Variants in PRDM10 observed in about 807,000 individuals in gnomAD.
The protein encoded by PRDM10 is PR domain zinc finger protein 10.
Under a neutral mutation model 133.1 loss-of-function variants are expected in PRDM10, and 65 were observed. The observed-to-expected ratio is 0.49, with a 90% confidence interval of 0.40 to 0.60. The LOEUF is 0.60. Among genes scored for constraint, PRDM10 ranks in the 20% least tolerant of loss-of-function variants. The pLI is 0.00. For missense variants in PRDM10, 1,137 were observed against 1,507.1 expected (o/e 0.75, Z 4.07); for synonymous variants, 582 against 580.4 (o/e 1.00, Z -0.04).
intron 18 of PRDM10, among the ~76,000 whole-genome samples, chr11:129,911,812 C>G (rs2135732336): frequency 6.6e-6 from 1 of 152,332 alleles, no homozygotes; most frequent in East Asian, 1.9e-4. Context: ...ATAGAAGCCA[C>G]TTAGCCATTG....
At chr11:129,924,253 C>G (rs1164479319) in intron 12 of PRDM10, among the ~76,000 whole-genome samples, 2 of 152,228 alleles carry the variant, frequency 1.3e-5, no homozygotes, top group Admixed American at 1.3e-4. Flanking sequence ...AATCCCTAGT[C>G]TTCTTTTCCT....
intron 1 of PRDM10, among the ~76,000 whole-genome samples, chr11:129,991,749 G>C (rs1222669728): frequency 6.6e-6 from 1 of 151,640 alleles, no homozygotes; most frequent in Non-Finnish European, 1.5e-5. Context: ...AACCTGGGAG[G>C]AGGAGGTTGC....
rs150813480 is a variant in PRDM10 at position 129,942,667 on chromosome 11, A to G, written c.763-38T>C. On this transcript the variant is annotated intron_variant, in intron 6 of 20. Transcript: ENST00000360871. ...AAAGCCACACCAAAAACAAAACAAA[A>G]CCTTCAATATGAGACACATTTTATA... is the stretch of plus-strand genomic sequence containing the variant. The G allele has an allele frequency of 5.9e-6, 9 of 1,520,066 alleles. No individual in the cohort carries two copies. In the Middle Eastern group the frequency reaches 6.9e-4, roughly 116 times the overall value. 94.2% of individuals were successfully genotyped at this position (1,520,066 alleles called of 1,614,324 possible).
chr11:129,947,233 A>G lies in PRDM10; in HGVS notation c.432T>C (p.Thr144=). 1 of 1,613,914 alleles carries G rather than the reference A, an allele frequency of 6.2e-7. No homozygotes were observed. Residue 144 remains threonine, a synonymous_variant, in exon 5 of 21, where the codon ACT becomes ACC. Transcript: ENST00000360871. This position sits in a 1 kb window ranked among gnomAD's most constrained non-coding sequence, Gnocchi z 4.6. ...EEEDEDEDED[T]EEDEEEDGED... is the part of the protein sequence containing the mutation. ...CACCGTCTTCTTCCTCATCTTCCTCAGTGTCCTCGTCCTCATCCTCATCCT... is the reference window on the plus strand; with the variant it reads ...CACCGTCTTCTTCCTCATCTTCCTCGGTGTCCTCGTCCTCATCCTCATCCT...
intron 13 of PRDM10, among the ~76,000 whole-genome samples, chr11:129,921,022 C>A (rs2135770761): frequency 6.6e-6 from 1 of 152,246 alleles, no homozygotes; most frequent in Non-Finnish European, 1.5e-5. Context: ...GTCTCGAACT[C>A]CCAACCTCAG....
At chr11:129,988,465 C>T (rs1166651822) in intron 1 of PRDM10, among the ~76,000 whole-genome samples, 2 of 151,962 alleles carry the variant, frequency 1.3e-5, no homozygotes, top group Non-Finnish European at 2.9e-5. Context: ...CTCCTGGGCT[C>T]AAGTGATTCA....
chr11:129,937,520 A>C, intron 8 of PRDM10, 78 bp downstream of exon 8: 1 of 1,376,956 alleles, frequency 7.3e-7, no homozygotes, highest in Non-Finnish European at 9.9e-7. Context: ...ACAAAAAAAA[A>C]ATTAGAGGTT....
chr11:129,930,203 T>C (rs773018851), intron 11 of PRDM10, among the ~76,000 whole-genome samples: 8 of 152,248 alleles, frequency 5.3e-5, no homozygotes, highest in Non-Finnish European at 1.0e-4. Context: ...TGGGAAGTTA[T>C]ACAAAATGTC....
intron 10 of PRDM10, 121 bp downstream of exon 10, chr11:129,931,981 G>A (rs1950882743): frequency 1.6e-6 from 2 of 1,245,628 alleles, no homozygotes; most frequent in African/African-American, 3.1e-5. Context: ...TTAACAGGCA[G>A]CAAGGTCTGA....
At chr11:129,971,560 A>G (rs1952025339) in intron 1 of PRDM10, among the ~76,000 whole-genome samples, 1 of 152,082 alleles carries the variant, frequency 6.6e-6, no homozygotes, top group African/African-American at 2.4e-5. Context: ...TGAGCTAGAT[A>G]CAGAGTGCCC....
intron 2 of PRDM10, among the ~76,000 whole-genome samples, chr11:129,960,616 A>G (rs548681142): frequency 1.3e-5 from 2 of 152,370 alleles, no homozygotes; most frequent in African/African-American, 4.8e-5. Context: ...TTCAGCAGCA[A>G]TAACATAAAT....
intron 1 of PRDM10, among the ~76,000 whole-genome samples, chr11:130,001,806 C>T (rs2136021005): frequency 6.6e-6 from 1 of 152,248 alleles, no homozygotes; most frequent in African/African-American, 2.4e-5. Flanking sequence ...CGAGCGCCGA[C>T]CGGCCTCGCC....
At chr11:129,930,519 G>A (rs1250473938) in intron 11 of PRDM10, among the ~76,000 whole-genome samples, 2 of 152,228 alleles carry the variant, frequency 1.3e-5, no homozygotes, top group African/African-American at 2.4e-5. Flanking sequence ...CTATCCGCAG[G>A]TGTGTGAACT....
chr11:129,927,999 G>A (rs76529640), intron 11 of PRDM10, among the ~76,000 whole-genome samples: 3 of 152,136 alleles, frequency 2.0e-5, no homozygotes, highest in East Asian at 1.9e-4. Flanking sequence ...TACCAAAATC[G>A]TATTGTTGCT....
chr11:130,001,641 C>G (rs1263529768), intron 1 of PRDM10, among the ~76,000 whole-genome samples: 4 of 151,756 alleles, frequency 2.6e-5, no homozygotes, highest in African/African-American at 4.9e-5. Context: ...TAAAGGCGCG[C>G]ACACAAATTC....
At position 129,915,864 on chromosome 11, in the gene PRDM10, C is replaced by T. The variant is rs779458095; in HGVS notation, c.2326-4G>A. On this transcript the variant is annotated splice_region_variant and splice_polypyrimidine_tract_variant and intron_variant, in intron 15 of 20. Transcript: ENST00000360871. ...GCTTGCTGGCACTTTTATAAACCTG[C>T]AAATGTAAGCGCCTTGCCATGAAAG... 4 of 1,612,428 alleles carry T rather than the reference C, an allele frequency of 2.5e-6. No homozygotes were observed. The highest frequency in any genetic ancestry group is 3.4e-6 in the Non-Finnish European group (4 of 1,179,240).
At position 129,902,242 on chromosome 11, in the gene PRDM10, A is replaced by G; in HGVS notation, c.*71T>C. 1.3e-6 allele frequency: 2 copies of G among 1,518,500 alleles called. No homozygotes were observed. Among genetic ancestry groups the G allele is most frequent in the Middle Eastern group, 4.3e-4 (2 of 4,650 alleles). The allele number at this position is 1,518,500 out of a possible 1,614,324, so 94.1% of individuals were successfully genotyped here. On this transcript the variant is annotated 3_prime_UTR_variant, in exon 21 of 21. Transcript: ENST00000360871. Reference sequence around the variant, plus strand: ...ATAATAAATCTTACAAAAGAGCTCTACGTGTCAGAGCTTTCAGACTTATGA... The same window carrying G: ...ATAATAAATCTTACAAAAGAGCTCTGCGTGTCAGAGCTTTCAGACTTATGA...
chr11:129,977,255 T>TAC (rs71057991), intron 1 of PRDM10, among the ~76,000 whole-genome samples: 24,962 of 132,252 alleles, frequency 0.19, 2,284 homozygotes, highest in Non-Finnish European at 0.23. Flanking sequence ...ATGACTAAAA[T>TAC]ACACACACAC....
intron 1 of PRDM10, among the ~76,000 whole-genome samples, chr11:129,987,332 C>T (rs1938484384): frequency 6.6e-6 from 1 of 152,138 alleles, no homozygotes; most frequent in East Asian, 1.9e-4. Flanking sequence ...TTTTGTAGTG[C>T]CTTTTCATCT....
Sources: gnomAD v4.1 joint callset for allele counts (sites outside exome capture counted in the v4.1 genomes callset) on GRCh38, gnomAD v4.1.1 for gene constraint, Gnocchi (gnomAD v3.1) non-coding constraint, MANE v1.5 for transcripts, NCBI Gene and HGNC (gene_info 2026-07-23, HGNC 2026-07-21) for gene names.